PMFBP1: variants seen among roughly 807,000 people sequenced by gnomAD.
PMFBP1 encodes the protein polyamine modulated factor 1 binding protein 1.
PMFBP1 carries 131 observed loss-of-function variants against 137.8 expected under a neutral mutation model. The ratio of observed to expected loss-of-function variants is 0.95; its 90% CI spans 0.82 to 1.10. The LOEUF is 1.10. PMFBP1 is among the 50% of genes least tolerant of loss of function. The pLI, the probability that PMFBP1 is intolerant of heterozygous loss-of-function variation, is 0.00. For missense variants in PMFBP1, 1,199 were observed against 1,175.4 expected, an observed-to-expected ratio of 1.02 and a Z score of -0.29; for synonymous variants, 490 against 450.4, an observed-to-expected ratio of 1.09 and a Z score of -1.11.
the PMFBP1 span, among the ~76,000 whole-genome samples, chr16:72,234,475 A>G: frequency 6.6e-6 from 1 of 152,194 alleles, no homozygotes; most frequent in African/African-American, 2.4e-5. Context: ...GATGCTAATG[A>G]GACATGTGAT....
the PMFBP1 span, among the ~76,000 whole-genome samples, chr16:72,247,019 C>T: frequency 1.3e-5 from 2 of 152,108 alleles, no homozygotes; most frequent in Admixed American, 6.5e-5. Context: ...GGGCAGGCGA[C>T]GATGAAAGCA....
At position 72,150,642 on chromosome 16, in the gene PMFBP1, A is replaced by G. The variant is rs754155100; in HGVS notation, c.602T>C (p.Met201Thr). 6.2e-7 allele frequency: 1 copy of G among 1,613,776 alleles called. No homozygotes were observed. Among genetic ancestry groups the G allele is most frequent in the South Asian group, 1.1e-5 (1 of 91,072 alleles). ...NIELLECQVK[M>T]LQGELGGIMG... ...GATCCCGCCGAGTTCCCCCTGCAAC[A>G]TCTTCACTTGGCATTCTAGTAACTC... is the stretch of plus-strand genomic sequence containing the variant. The change falls in exon 5 of 21, where the codon ATG becomes ACG. Residue 201 changes from methionine to threonine, a missense_variant. By Grantham distance (81) the Met-to-Thr change is moderately conservative. Coordinates refer to ENST00000237353, the MANE Select transcript of PMFBP1 (RefSeq NM_031293.3).
chr16:72,198,700 C>T, the PMFBP1 span, among the ~76,000 whole-genome samples: 1 of 152,114 alleles, frequency 6.6e-6, no homozygotes, highest in Non-Finnish European at 1.5e-5. Context: ...TTGGGCTATA[C>T]CTGGGGTTGA....
upstream of PMFBP1, among the ~76,000 whole-genome samples, chr16:72,181,108 G>A (rs553780778): frequency 3.8e-4 from 57 of 151,834 alleles, no homozygotes; most frequent in African/African-American, 1.1e-3. Context: ...ACGTGGTGGC[G>A]CGCGCCTGTA....
chr16:72,129,444 C>G (rs1271666848), intron 12 of PMFBP1, among the ~76,000 whole-genome samples: 1 of 152,176 alleles, frequency 6.6e-6, no homozygotes, highest in Admixed American at 6.5e-5. Flanking sequence ...ATTTATTGAT[C>G]TAATTCCTAA....
the PMFBP1 span, among the ~76,000 whole-genome samples, chr16:72,237,672 G>A: frequency 1.4e-4 from 22 of 151,958 alleles, 2 homozygotes; most frequent in South Asian, 4.6e-3. Context: ...AAATTTAGGG[G>A]TACATGTGCA....
Position 72,154,475 on chromosome 16 carries a change from GA to G in PMFBP1, c.166-17del. The G allele has an allele frequency of 6.2e-7, 1 of 1,608,632 alleles. No individual in the cohort carries two copies. Among genetic ancestry groups the G allele is most frequent in the Non-Finnish European group, 8.5e-7 (1 of 1,176,528 alleles). On this transcript the variant is annotated splice_polypyrimidine_tract_variant and intron_variant, in intron 3 of 20. Coordinates refer to ENST00000237353, the MANE Select transcript of PMFBP1 (RefSeq NM_031293.3). ...GCTTCTTGTCCTACCATAGAGACAG[GA>G]TATACAAAAAAGGCTTTAGATCATC...
At chr16:72,198,017 T>C in the PMFBP1 span, among the ~76,000 whole-genome samples, 1 of 152,168 alleles carries the variant, frequency 6.6e-6, no homozygotes, top group East Asian at 1.9e-4. Context: ...CATTCTTCGT[T>C]GGGGGCACCT....
At chr16:72,165,061 T>A in intron 2 of PMFBP1, 145 bp from the exon 3 acceptor site, 1 of 784,162 alleles carries the variant, frequency 1.3e-6, no homozygotes, top group Middle Eastern at 2.9e-4. Context: ...CTGTGTAACA[T>A]TTACACAGTT....
At chr16:72,235,121 G>C in the PMFBP1 span, among the ~76,000 whole-genome samples, 1 of 152,028 alleles carries the variant, frequency 6.6e-6, no homozygotes, top group Non-Finnish European at 1.5e-5. Context: ...GCCTAACCCA[G>C]GGTCAGGATT....
At chr16:72,244,868 A>G in the PMFBP1 span, among the ~76,000 whole-genome samples, 1 of 152,230 alleles carries the variant, frequency 6.6e-6, no homozygotes, top group Non-Finnish European at 1.5e-5. Context: ...AAAACAAAAC[A>G]AAAACCAGAG....
upstream of PMFBP1, among the ~76,000 whole-genome samples, chr16:72,179,017 T>A (rs969863996): frequency 5.3e-5 from 8 of 152,234 alleles, no homozygotes; most frequent in South Asian, 2.1e-4. Flanking sequence ...GGGCTGGCAC[T>A]ATGCAACAAG....
At chr16:72,128,897 C>T (rs1597462113) in intron 13 of PMFBP1, 103 bp from the exon 14 acceptor site, 5 of 1,533,982 alleles carry the variant, frequency 3.3e-6, no homozygotes. Context: ...TATCTCCACC[C>T]TGCGGGAGCT....
the PMFBP1 span, among the ~76,000 whole-genome samples, chr16:72,210,038 T>C: frequency 2.0e-5 from 3 of 152,196 alleles, no homozygotes; most frequent in Non-Finnish European, 4.4e-5. Context: ...TTGGGCACCT[T>C]TCCTTGCTTG....
intron 3 of PMFBP1, among the ~76,000 whole-genome samples, chr16:72,163,894 G>C: frequency 6.8e-6 from 1 of 146,638 alleles, no homozygotes; most frequent in East Asian, 2.1e-4. Flanking sequence ...GCATAAGAGT[G>C]AAACAATGAA....
the PMFBP1 span, among the ~76,000 whole-genome samples, chr16:72,228,433 C>G: frequency 6.6e-6 from 1 of 152,160 alleles, no homozygotes; most frequent in African/African-American, 2.4e-5. Flanking sequence ...ACAATGGACT[C>G]CATCTGCACA....
rs943117357 is a variant in PMFBP1, at chr16:72,153,535, T to G, written c.414+676A>C. 2.6e-5 allele frequency among the ~76,000 whole-genome samples: 4 copies of G among 152,142 alleles called. 1 individual carries two copies. The highest frequency in any genetic ancestry group is 9.7e-5 in the African/African-American group (4 of 41,420). Reference sequence around the variant, plus strand: ...AGAACCCATGGTTTACTGCACCTAGTGCTATCACTGCTCAAGTGGTTTTAG... The same window carrying G: ...AGAACCCATGGTTTACTGCACCTAGGGCTATCACTGCTCAAGTGGTTTTAG... On this transcript the variant is annotated intron_variant, in intron 4 of 20. Coordinates refer to ENST00000237353, the MANE Select transcript of PMFBP1 (RefSeq NM_031293.3).
At chr16:72,140,928 CTTT>C (rs35908141) in intron 5 of PMFBP1, among the ~76,000 whole-genome samples, 4 of 69,784 alleles carry the variant, frequency 5.7e-5, no homozygotes, top group South Asian at 6.2e-4. Flanking sequence ...ACAAATGAGT[CTTT>C]TTTTTTTTTT....
upstream of PMFBP1, among the ~76,000 whole-genome samples, chr16:72,181,779 T>G (rs546061526): frequency 6.6e-6 from 1 of 152,288 alleles, no homozygotes; most frequent in African/African-American, 2.4e-5. Context: ...AATATAGCCT[T>G]TTCTGGTAGG....
Sources: gnomAD v4.1 joint callset for allele counts (sites outside exome capture counted in the v4.1 genomes callset) on GRCh38, gnomAD v4.1.1 for gene constraint, MANE v1.5 for transcripts, NCBI Gene and HGNC (gene_info 2026-07-23, HGNC 2026-07-21) for gene names.